CFAP69: variants seen among roughly 807,000 people sequenced by gnomAD.
CFAP69 encodes cilia- and flagella-associated protein 69.
In CFAP69, 92 loss-of-function variants were observed where a neutral mutation model predicts 123.0. The ratio of observed to expected loss-of-function variants is 0.75; its 90% CI spans 0.63 to 0.89. The LOEUF is 0.89. CFAP69 is among the 40% of genes least tolerant of loss of function. The pLI, the probability that CFAP69 is intolerant of heterozygous loss-of-function variation, is 0.00. For synonymous variants in CFAP69, 380 were observed against 364.3 expected (o/e 1.04, Z -0.49); for missense variants, 1,067 against 1,096.9 (o/e 0.97, Z 0.39).
intron 1 of CFAP69, among the ~76,000 whole-genome samples, chr7:90,249,447 C>G (rs2116528244): frequency 6.6e-6 from 1 of 152,212 alleles, no homozygotes; most frequent in South Asian, 2.1e-4. Context: ...GGTATCAAAA[C>G]CTACCAAATA....
chr7:90,303,784 C>A (rs1390874611), intron 17 of CFAP69, 185 bp from the exon 18 acceptor site: 79 of 1,174,784 alleles, frequency 6.7e-5, no homozygotes, highest in Non-Finnish European at 8.1e-5. Flanking sequence ...AGTTTTGCCA[C>A]AGAGTGGGGA....
intron 4 of CFAP69, among the ~76,000 whole-genome samples, 183 bp from the exon 5 acceptor site, chr7:90,265,118 A>G (rs931943919): frequency 4.6e-5 from 7 of 152,100 alleles, no homozygotes; most frequent in African/African-American, 1.7e-4. Flanking sequence ...TAGTTACAAT[A>G]CTATTAAACT....
Position 90,307,838 on chromosome 7 carries a change from A to G in CFAP69, c.2534A>G (p.Asn845Ser), listed in dbSNP as rs1314803851. ...SWEDFLARTS[N>S]AKTLKKAKSL... ...GAAGATTTCTTGGCTAGAACATCAA[A>G]CGCTAAAACGTTAAAGGTAGGATTT... The change falls in exon 21 of 23, where the codon AAC (asparagine) becomes AGC (serine). Residue 845 changes from asparagine to serine, a missense_variant. Coordinates refer to ENST00000389297, the MANE Select transcript of CFAP69 (RefSeq NM_001039706.3). 1.2e-6 allele frequency: 2 copies of G among 1,610,056 alleles called. No homozygotes were observed. Among genetic ancestry groups the G allele is most frequent in the Admixed American group, 3.3e-5 (2 of 59,742 alleles).
intron 3 of CFAP69, among the ~76,000 whole-genome samples, chr7:90,260,551 A>G (rs905618985): frequency 6.6e-6 from 1 of 152,172 alleles, no homozygotes; most frequent in African/African-American, 2.4e-5. Context: ...GAAAAAAAGA[A>G]AAGTTATCAA....
chr7:90,266,988 A>T (rs1386685499), intron 5 of CFAP69, among the ~76,000 whole-genome samples: 3 of 152,186 alleles, frequency 2.0e-5, no homozygotes, highest in Non-Finnish European at 4.4e-5. Context: ...ATGATAAATT[A>T]TCTAAATTTA....
chr7:90,319,471 A>T, the CFAP69 span: 2 of 398,480 alleles, frequency 5.0e-6, no homozygotes, highest in Admixed American at 8.8e-5. Flanking sequence ...ATCCTGAGCT[A>T]TGTTTAAGAA....
At chr7:90,277,044 T>C in intron 9 of CFAP69, 29 bp from the exon 10 acceptor site, 1 of 1,473,618 alleles carries the variant, frequency 6.8e-7, no homozygotes, top group Non-Finnish European at 9.2e-7. Context: ...TTCATTCATC[T>C]TTCTGCTTAT....
At chr7:90,261,762 G>GT (rs1353871740) in intron 3 of CFAP69, among the ~76,000 whole-genome samples, 185 bp from the exon 4 acceptor site, 3 of 152,068 alleles carry the variant, frequency 2.0e-5, no homozygotes, top group East Asian at 3.8e-4. Context: ...AAATGAAATG[G>GT]TTTTTTTAAA....
intron 1 of CFAP69, among the ~76,000 whole-genome samples, chr7:90,249,236 T>C (rs759920098): frequency 3.3e-5 from 5 of 152,140 alleles, no homozygotes; most frequent in African/African-American, 4.8e-5. Context: ...TAAGAGGTTC[T>C]TCCTCTTTGC....
chr7:90,303,871 A>G (rs1793169699), intron 17 of CFAP69, 98 bp from the exon 18 acceptor site: 2 of 1,320,410 alleles, frequency 1.5e-6, no homozygotes, highest in Admixed American at 3.2e-5. Flanking sequence ...ATATTTTTAT[A>G]TATTTTATGT....
Position 90,245,248 on chromosome 7 carries a change from T to C in CFAP69, c.-177T>C, listed in dbSNP as rs1170631531. On this transcript the variant is annotated 5_prime_UTR_variant, in exon 1 of 23. Coordinates refer to ENST00000389297, the MANE Select transcript of CFAP69 (RefSeq NM_001039706.3). ...GTCAACTGGGGGGCGGCAGCGGCGC[T>C]AAGCGGACTGTATGGCGGTGGCCTA... The C allele has an allele frequency of 3.8e-6, 3 of 783,072 alleles. No homozygotes were observed. In the Admixed American group the frequency reaches 1.3e-4, roughly 34 times the overall value. 48.5% of individuals were successfully genotyped at this position (783,072 alleles called of 1,614,324 possible). A position where few individuals can be genotyped will look rare whatever the true frequency, so the allele number is the denominator to read the frequency against.
intron 13 of CFAP69, among the ~76,000 whole-genome samples, chr7:90,285,227 A>G (rs773652946): frequency 6.6e-6 from 1 of 152,162 alleles, no homozygotes; most frequent in Non-Finnish European, 1.5e-5. Flanking sequence ...GGCCTCCAGC[A>G]GGCTCAGCTA....
At chr7:90,317,418 C>T in the CFAP69 span, 1 of 151,920 alleles carries the variant, frequency 6.6e-6, no homozygotes, top group Non-Finnish European at 1.5e-5. Flanking sequence ...TTAATTAGCC[C>T]TACCCTCCAA....
In CFAP69 at chr7:90,310,235, G is replaced by T. The variant is rs191343185; in HGVS notation, c.2823G>T (p.Thr941=). 6.2e-7 allele frequency: 1 copy of T among 1,611,816 alleles called. No individual in the cohort carries two copies. The highest frequency in any genetic ancestry group is 8.5e-7 in the Non-Finnish European group (1 of 1,178,580). ...ATGCACCAAAAAAGAGTATTCCTAC[G>T]TAATATACTATAGAGACTTTTTGAA... ...IVDAPKKSIP[T] is the part of the protein sequence containing the mutation. Residue 941 remains threonine, a synonymous_variant, in exon 23 of 23, where the codon ACG becomes ACT. Coordinates refer to ENST00000389297, the MANE Select transcript of CFAP69 (RefSeq NM_001039706.3).
In CFAP69 at chr7:90,299,866, G is replaced by T; in HGVS notation, c.1858-1G>T. ...TTTCCTTTTCTGTTTCCTTGCTAAA[G>T]TTGAACCAAAAAAAATTCTGTAATC... On this transcript the variant is annotated splice_acceptor_variant, in intron 16 of 22. Transcript: ENST00000389297. LOFTEE classifies it high-confidence loss of function. 6.3e-7 allele frequency: 1 copy of T among 1,591,576 alleles called. No individual in the cohort carries two copies. The highest frequency in any genetic ancestry group is 8.5e-7 in the Non-Finnish European group (1 of 1,170,098).
At chr7:90,252,152 G>GTGCA (rs1562835205) in intron 1 of CFAP69, 2 of 150,392 alleles carry the variant, frequency 1.3e-5, no homozygotes, top group African/African-American at 4.9e-5. Context: ...GTGTGCATGC[G>GTGCA]CGTATAAAAT....
At chr7:90,306,300 T>C (rs996972904) in intron 19 of CFAP69, among the ~76,000 whole-genome samples, 4 of 152,276 alleles carry the variant, frequency 2.6e-5, no homozygotes, top group Middle Eastern at 3.4e-3. Context: ...AACTCTGCTC[T>C]TTTTTCTCTA....
intron 14 of CFAP69, 70 bp from the exon 15 acceptor site, chr7:90,288,164 C>T (rs888526808): frequency 5.6e-5 from 71 of 1,268,880 alleles, no homozygotes; most frequent in African/African-American, 1.5e-5. Flanking sequence ...ATTAGGGGAC[C>T]GATAAAGTAG....
chr7:90,304,147 A>G, intron 18 of CFAP69, 41 bp downstream of exon 18: 1 of 1,533,936 alleles, frequency 6.5e-7, no homozygotes, highest in Non-Finnish European at 8.8e-7. Flanking sequence ...CTGTTTTGCT[A>G]AGTATACACA....
Sources: gnomAD v4.1 joint callset for allele counts (sites outside exome capture counted in the v4.1 genomes callset) on GRCh38, gnomAD v4.1.1 for gene constraint, MANE v1.5 for transcripts, NCBI Gene and HGNC (gene_info 2026-07-23, HGNC 2026-07-21) for gene names.